Variants in CNTNAP3B observed in about 807,000 individuals in gnomAD.
CNTNAP3B encodes contactin associated protein family member 3B.
In CNTNAP3B, 25 loss-of-function variants were observed where a neutral mutation model predicts 108.9. The observed-to-expected ratio is 0.23, with a 90% CI of 0.17 to 0.32. The LOEUF is 0.32. Among genes scored for constraint, CNTNAP3B ranks in the 10% least tolerant of loss-of-function variants. The pLI, the probability that CNTNAP3B is intolerant of heterozygous loss-of-function variation, is 1.00. For missense variants in CNTNAP3B, 252 were observed against 1,210.4 expected (o/e 0.21, Z 11.75); for synonymous variants, 103 against 473.4 (o/e 0.22, Z 10.16).
intron 13 of CNTNAP3B, among the ~76,000 whole-genome samples, chr9:41,940,806 C>T (rs1199253456): frequency 7.2e-5 from 11 of 152,196 alleles, no homozygotes; most frequent in African/African-American, 2.4e-4. Context: ...CAGAGTGAGA[C>T]TCCATCTCCA....
intron 12 of CNTNAP3B, among the ~76,000 whole-genome samples, chr9:41,958,109 TTC>T (rs1824927992): frequency 6.6e-6 from 1 of 152,230 alleles, no homozygotes; most frequent in Non-Finnish European, 1.5e-5. Flanking sequence ...TTGAACTTTT[TTC>T]TTTTTCTTTT....
At chr9:41,942,194 G>C (rs1459627613) in intron 13 of CNTNAP3B, among the ~76,000 whole-genome samples, 2 of 152,290 alleles carry the variant, frequency 1.3e-5, no homozygotes, top group Non-Finnish European at 2.9e-5. Flanking sequence ...GGATGCTTCT[G>C]GCCGGGCGCG....
At chr9:41,966,876 A>G (rs1825294883) in intron 10 of CNTNAP3B, among the ~76,000 whole-genome samples, 1 of 150,000 alleles carries the variant, frequency 6.7e-6, no homozygotes, top group African/African-American at 2.5e-5. Flanking sequence ...CCGAGGCATG[A>G]GAATGGCATG....
At chr9:42,078,648 G>A (rs1827542899) in intron 2 of CNTNAP3B, among the ~76,000 whole-genome samples, 1 of 126,966 alleles carries the variant, frequency 7.9e-6, no homozygotes, top group Non-Finnish European at 1.7e-5. Flanking sequence ...ACAGCTAGGA[G>A]GTGGACACAG....
chr9:41,936,209 G>A (rs1274802629), intron 14 of CNTNAP3B, among the ~76,000 whole-genome samples: 2 of 152,262 alleles, frequency 1.3e-5, no homozygotes, highest in African/African-American at 2.4e-5. Flanking sequence ...TCCGGGAGGC[G>A]CAGGTTGCAG....
chr9:41,952,964 C>T (rs1183885217), intron 13 of CNTNAP3B, among the ~76,000 whole-genome samples: 67 of 152,186 alleles, frequency 4.4e-4, no homozygotes, highest in Admixed American at 7.2e-4. Flanking sequence ...GTCACTAGTC[C>T]TGCATATGAA....
chr9:42,096,258 C>T (rs184125600), intron 2 of CNTNAP3B, among the ~76,000 whole-genome samples: 1,926 of 139,208 alleles, frequency 0.014, 290 homozygotes, highest in South Asian at 0.058. Flanking sequence ...AAGCCACCAC[C>T]GGCAAGGCTC....
chr9:42,001,214 C>T (rs1825998652), intron 4 of CNTNAP3B, among the ~76,000 whole-genome samples: 1 of 90,840 alleles, frequency 1.1e-5, no homozygotes, highest in Admixed American at 1.2e-4. Flanking sequence ...CTTTGGGAGG[C>T]TGACGCGGGC....
At chr9:42,094,404 C>T (rs1207504993) in intron 2 of CNTNAP3B, among the ~76,000 whole-genome samples, 1 of 129,692 alleles carries the variant, frequency 7.7e-6, no homozygotes, top group Non-Finnish European at 1.6e-5. Context: ...CCTGTAATCC[C>T]AACATTTTGG....
chr9:41,944,281 T>G (rs1173323551), intron 13 of CNTNAP3B, among the ~76,000 whole-genome samples: 2 of 148,342 alleles, frequency 1.3e-5, no homozygotes, highest in Non-Finnish European at 3.0e-5. Context: ...AAAATTAAAA[T>G]AAAATCTAGT....
chr9:41,959,420 C>A (rs1824989024), intron 12 of CNTNAP3B, among the ~76,000 whole-genome samples: 1 of 152,294 alleles, frequency 6.6e-6, no homozygotes, highest in Admixed American at 6.5e-5. Context: ...TAGTGATTCC[C>A]CTACCATTAG....
intron 18 of CNTNAP3B, among the ~76,000 whole-genome samples, chr9:41,919,365 T>G (rs1823606428): frequency 6.6e-6 from 1 of 151,730 alleles, no homozygotes; most frequent in Non-Finnish European, 1.5e-5. Context: ...CCGCCTGCCT[T>G]GGCCTCCCAA....
At chr9:41,926,716 C>T (rs1823831147) in intron 15 of CNTNAP3B, 1 of 152,430 alleles carries the variant, frequency 6.6e-6, no homozygotes, top group Non-Finnish European at 1.5e-5. Flanking sequence ...CTCAGTCTCC[C>T]AAAAAGAGAA....
intron 10 of CNTNAP3B, among the ~76,000 whole-genome samples, chr9:41,967,695 A>G (rs1456372949): frequency 6.6e-6 from 1 of 152,286 alleles, no homozygotes; most frequent in Non-Finnish European, 1.5e-5. Context: ...GTAGGATGTC[A>G]TTTTGTGTCC....
intron 14 of CNTNAP3B, among the ~76,000 whole-genome samples, chr9:41,930,937 T>C (rs906006640): frequency 6.6e-6 from 1 of 152,276 alleles, no homozygotes; most frequent in African/African-American, 2.4e-5. Flanking sequence ...AAAATGCTTA[T>C]ATTTATATAC....
chr9:41,930,826 A>T (rs983864488), intron 14 of CNTNAP3B, among the ~76,000 whole-genome samples: 2 of 152,196 alleles, frequency 1.3e-5, no homozygotes, highest in African/African-American at 4.8e-5. Context: ...AAATAAAGGC[A>T]TTTGTCTACT....
rs946197434 is a variant in CNTNAP3B, at chr9:42,128,418, C to T, written c.85+592G>A. ...TGACTGGCTGAGTTTTGTCTTTAAC[C>T]AAGAACTTTCTACTGAGAAACGAAG... On this transcript the variant is annotated intron_variant, in intron 1 of 23. Transcript: ENST00000377561. 1.7e-4 allele frequency among the ~76,000 whole-genome samples: 23 copies of T among 135,426 alleles called. 6 individuals are homozygous for T. Among genetic ancestry groups the T allele is most frequent in the African/African-American group, 5.4e-4 (18 of 33,592 alleles). 88.8% of individuals were successfully genotyped at this position (135,426 alleles called of 152,430 possible).
intron 3 of CNTNAP3B, among the ~76,000 whole-genome samples, chr9:42,046,072 C>T (rs989775801): frequency 7.1e-5 from 9 of 126,354 alleles, no homozygotes; most frequent in Non-Finnish European, 1.5e-4. Flanking sequence ...TCCCCGTCTT[C>T]CTCCCCACAG....
chr9:41,942,091 C>T (rs1489972098), intron 13 of CNTNAP3B, among the ~76,000 whole-genome samples: 7 of 152,284 alleles, frequency 4.6e-5, no homozygotes, highest in Non-Finnish European at 7.3e-5. Context: ...CTTTTCTTAC[C>T]CAAGGGAAGG....
Sources: gnomAD v4.1 joint callset for allele counts (sites outside exome capture counted in the v4.1 genomes callset) on GRCh38, gnomAD v4.1.1 for gene constraint, MANE v1.5 for transcripts, NCBI Gene and HGNC (gene_info 2026-07-23, HGNC 2026-07-21) for gene names.